SLC35D4: variants seen among roughly 807,000 people sequenced by gnomAD.
SLC35D4 encodes the protein solute carrier family 35 member D4.
At chr18:23,394,039 T>G in the SLC35D4 span, among the ~76,000 whole-genome samples, 2 of 152,216 alleles carry the variant, frequency 1.3e-5, no homozygotes, top group Non-Finnish European at 2.9e-5. Flanking sequence ...TATCTCTTCC[T>G]CTCCCTTCTT....
the SLC35D4 span, among the ~76,000 whole-genome samples, chr18:23,311,214 C>A: frequency 6.6e-6 from 1 of 151,736 alleles, no homozygotes; most frequent in African/African-American, 2.4e-5. Context: ...GCACTCCTCC[C>A]GAGTAGCTGG....
chr18:23,390,636 G>A, the SLC35D4 span, among the ~76,000 whole-genome samples: 92 of 152,230 alleles, frequency 6.0e-4, no homozygotes, highest in African/African-American at 2.0e-3. Context: ...TATTTGTTCA[G>A]GTGTTGGAAC....
chr18:23,254,821 C>CAAATA, the SLC35D4 span, among the ~76,000 whole-genome samples: 4 of 152,184 alleles, frequency 2.6e-5, no homozygotes, highest in Non-Finnish European at 5.9e-5. Context: ...TCCCAAAGGC[C>CAAATA]CCATCTCCTA....
the SLC35D4 span, among the ~76,000 whole-genome samples, chr18:23,345,862 A>G: frequency 1.6e-4 from 25 of 152,200 alleles, no homozygotes; most frequent in Admixed American, 9.8e-4. Flanking sequence ...TTTTCAATGT[A>G]TAAATGTGAT....
chr18:23,272,794 T>C, the SLC35D4 span, among the ~76,000 whole-genome samples: 12 of 152,226 alleles, frequency 7.9e-5, no homozygotes, highest in African/African-American at 2.9e-4. Context: ...TTATTTACTA[T>C]AGAAACTTCC....
chr18:23,435,553 T>C, the SLC35D4 span, among the ~76,000 whole-genome samples: 68 of 152,340 alleles, frequency 4.5e-4, no homozygotes, highest in Admixed American at 1.1e-3. Flanking sequence ...ACTTGTCCCA[T>C]GAGAAGAAAA....
the SLC35D4 span, chr18:23,385,177 A>T: frequency 1.1e-4 from 106 of 981,392 alleles, no homozygotes; most frequent in African/African-American, 1.4e-3. Context: ...TTTGGCATCC[A>T]CATATATAAT....
At chr18:23,309,155 A>C in the SLC35D4 span, among the ~76,000 whole-genome samples, 1 of 151,584 alleles carries the variant, frequency 6.6e-6, no homozygotes, top group Admixed American at 6.6e-5. Context: ...CAACCATTGC[A>C]GGCCTAAACT....
At chr18:23,398,409 T>C in the SLC35D4 span, among the ~76,000 whole-genome samples, 1 of 152,176 alleles carries the variant, frequency 6.6e-6, no homozygotes, top group African/African-American at 2.4e-5. Flanking sequence ...CAATAGTCTA[T>C]GGCGTAGGAG....
chr18:23,397,403 T>C, the SLC35D4 span, among the ~76,000 whole-genome samples: 2 of 152,172 alleles, frequency 1.3e-5, no homozygotes, highest in East Asian at 1.9e-4. Flanking sequence ...GAGGCTGCAG[T>C]TGACACCCAT....
chr18:23,400,233 C>G, the SLC35D4 span, among the ~76,000 whole-genome samples: 3 of 152,314 alleles, frequency 2.0e-5, no homozygotes, highest in East Asian at 1.9e-4. Context: ...AGCCACACCA[C>G]GAACTGCTTT....
the SLC35D4 span, among the ~76,000 whole-genome samples, chr18:23,309,921 G>A: frequency 1.3e-5 from 2 of 152,170 alleles, no homozygotes; most frequent in Non-Finnish European, 2.9e-5. Flanking sequence ...GTACTTAGCG[G>A]TGCCTCTGAG....
the SLC35D4 span, among the ~76,000 whole-genome samples, chr18:23,268,491 A>T: frequency 5.0e-4 from 76 of 152,276 alleles, 1 homozygote; most frequent in Admixed American, 4.8e-3. Context: ...GGTGGGGTCT[A>T]GGAATCCATA....
the SLC35D4 span, among the ~76,000 whole-genome samples, chr18:23,246,680 C>T: frequency 2.0e-3 from 302 of 151,562 alleles, 9 homozygotes; most frequent in African/African-American, 5.0e-3. Context: ...CTTGAGCCAC[C>T]GCACCCGGCC....
chr18:23,259,172 G>C, the SLC35D4 span: 8 of 152,272 alleles, frequency 5.3e-5, no homozygotes, highest in African/African-American at 1.4e-4. Flanking sequence ...CATGGGGTCT[G>C]TCACCTTGCA....
At chr18:23,255,947 A>G in the SLC35D4 span, among the ~76,000 whole-genome samples, 1 of 152,168 alleles carries the variant, frequency 6.6e-6, no homozygotes. Context: ...AATATACCAC[A>G]CAGCAAAAGC....
the SLC35D4 span, among the ~76,000 whole-genome samples, chr18:23,269,825 C>A: frequency 2.2e-4 from 34 of 152,266 alleles, no homozygotes; most frequent in Non-Finnish European, 3.5e-4. Flanking sequence ...ATCTGTGGAA[C>A]TTTGAACTTG....
At chr18:23,275,151 TG>T in the SLC35D4 span, among the ~76,000 whole-genome samples, 36 of 152,084 alleles carry the variant, frequency 2.4e-4, no homozygotes, top group Middle Eastern at 3.4e-3. Context: ...TGTGCGTGTG[TG>T]TGTGTGCAGG....
chr18:23,268,199 A>G, the SLC35D4 span, among the ~76,000 whole-genome samples: 1 of 152,178 alleles, frequency 6.6e-6, no homozygotes, highest in South Asian at 2.1e-4. Context: ...GAAGAATATG[A>G]GGAGAAATGG....
Sources: gnomAD v4.1 joint callset for allele counts (sites outside exome capture counted in the v4.1 genomes callset) on GRCh38, gnomAD v4.1.1 for gene constraint, MANE v1.5 for transcripts, NCBI Gene and HGNC (gene_info 2026-07-23, HGNC 2026-07-21) for gene names.